The following ESS2 variants were observed in gnomAD, a reference collection of about 807,000 sequenced individuals.
ESS2 encodes the protein splicing factor ESS-2 homolog.
ESS2 carries 31 observed loss-of-function variants against 52.0 expected under a neutral mutation model. That is an observed-to-expected ratio of 0.60 (90% confidence interval 0.45 to 0.81). The LOEUF is 0.81. Ranked by LOEUF, ESS2 falls within the 30% of genes least tolerant of loss-of-function variation. The pLI is 0.00. For missense variants in ESS2, 602 were observed against 637.2 expected (o/e 0.94, Z 0.59); for synonymous variants, 285 against 259.2 (o/e 1.10, Z -0.95).
chr22:19,138,618 C>T (rs936423856), intron 6 of ESS2: 3 of 550,360 alleles, frequency 5.5e-6, no homozygotes, highest in Non-Finnish European at 9.9e-6. Flanking sequence ...AGGATGCTGA[C>T]GCCAGGCCCC....
chr22:19,137,736 C>T (rs1438807435), intron 7 of ESS2: 1 of 985,272 alleles, frequency 1.0e-6, no homozygotes, highest in African/African-American at 1.7e-5. Context: ...TCCCAAACCT[C>T]CTAGAACCCC....
At chr22:19,135,002 G>C (rs4334575) in intron 9 of ESS2, 58 bp downstream of exon 9, 4 of 1,537,256 alleles carry the variant, frequency 2.6e-6, no homozygotes, top group Non-Finnish European at 3.6e-6. Context: ...GGCAGGGGCC[G>C]AACAGGAGCA....
In ESS2 at chr22:19,144,647, C is replaced by T. The variant is rs199622382; in HGVS notation, c.-7G>A. ...ATGCGCCCGGCGTCTCCATCGCTATCCCAGGAAAAAGCTCGGGCCCAGCAG... is the reference window on the plus strand; with the variant it reads ...ATGCGCCCGGCGTCTCCATCGCTATTCCAGGAAAAAGCTCGGGCCCAGCAG... On this transcript the variant is annotated 5_prime_UTR_variant, in exon 1 of 10. Transcript: ENST00000252137. 1.3e-6 allele frequency: 2 copies of T among 1,502,178 alleles called. No individual in the cohort carries two copies. The highest frequency in any genetic ancestry group is 1.8e-6 in the Non-Finnish European group (2 of 1,119,412). 93.1% of individuals were successfully genotyped at this position (1,502,178 alleles called of 1,614,324 possible).
At position 19,132,120 on chromosome 22, in the gene ESS2, C is replaced by A. The variant is rs1476011359; in HGVS notation, c.*2076G>T. 1 of 1,612,700 alleles carries A rather than the reference C, an allele frequency of 6.2e-7. No individual in the cohort carries two copies. The highest frequency in any genetic ancestry group is 1.3e-5 in the African/African-American group (1 of 74,902). The stretch of plus-strand genomic sequence containing the variant: ...TGTGGACTTCCCGCGCTCCAAGAAC[C>A]TGACCTGCGAGTGCAAGGACCTCAT... On this transcript the variant is annotated 3_prime_UTR_variant, in exon 10 of 10. Coordinates refer to ENST00000252137, the MANE Select transcript of ESS2 (RefSeq NM_022719.3). This position sits in a 1 kb window ranked among gnomAD's most constrained non-coding sequence, Gnocchi z 4.2.
chr22:19,135,352 C>T (rs548615634), intron 8 of ESS2, among the ~76,000 whole-genome samples, 177 bp from the exon 9 acceptor site: 2 of 152,338 alleles, frequency 1.3e-5, no homozygotes, highest in South Asian at 4.1e-4. Context: ...CTGACCTGCC[C>T]AAGGCGCAGC....
At chr22:19,139,812 G>A (rs754746080) in intron 4 of ESS2, 43 bp downstream of exon 4, 12 of 1,613,538 alleles carry the variant, frequency 7.4e-6, no homozygotes, top group Non-Finnish European at 1.0e-5. Context: ...AACCACCACA[G>A]AGGGTGCCTA....
At position 19,138,232 on chromosome 22, in the gene ESS2, G is replaced by A. The variant is rs1260442989; in HGVS notation, c.908C>T (p.Thr303Ile). 4 of 1,614,078 alleles carry A rather than the reference G, an allele frequency of 2.5e-6. No homozygotes were observed. Among genetic ancestry groups the A allele is most frequent in the Non-Finnish European group, 3.4e-6 (4 of 1,179,992 alleles). Residue 303 changes from threonine to isoleucine, a missense_variant, in exon 7 of 10, where the codon ACT (threonine) becomes ATT (isoleucine). Thr to Ile is a moderately conservative substitution (Grantham distance 89, BLOSUM62 -1). Coordinates refer to ENST00000252137, the MANE Select transcript of ESS2 (RefSeq NM_022719.3). The stretch of plus-strand genomic sequence containing the variant: ...TTTCTCACCAGGGGCAGGGGAAGGA[G>A]TGGCAACAAATCCAAATCCACCCAC... ...PRVGGFGFVATPSPAPGVNES... is the reference protein window; with the variant it reads ...PRVGGFGFVAIPSPAPGVNES...
At position 19,132,442 on chromosome 22, in the gene ESS2, T is replaced by G. The variant is rs537157579; in HGVS notation, c.*1754A>C. The stretch of plus-strand genomic sequence containing the variant: ...ACCTCCAGGGCCAAAGACCATCACA[T>G]CTCCGGAGCTGAGGTGGGGAAAGCA... On this transcript the variant is annotated 3_prime_UTR_variant, in exon 10 of 10. Transcript: ENST00000252137. This position sits in a 1 kb window ranked among gnomAD's most constrained non-coding sequence, Gnocchi z 4.2. 1.0e-4 allele frequency: 166 copies of G among 1,611,446 alleles called. No individual in the cohort carries two copies. In the South Asian group the frequency reaches 1.7e-3, roughly 17 times the overall value.
chr22:19,131,408 T>C lies in ESS2; in HGVS notation c.*2788A>G. 1 of 1,599,330 alleles carries C rather than the reference T, an allele frequency of 6.3e-7. No individual in the cohort carries two copies. Among genetic ancestry groups the C allele is most frequent in the Non-Finnish European group, 8.5e-7 (1 of 1,171,284 alleles). On this transcript the variant is annotated 3_prime_UTR_variant, in exon 10 of 10. Coordinates refer to ENST00000252137, the MANE Select transcript of ESS2 (RefSeq NM_022719.3). This position sits in a 1 kb window ranked among gnomAD's most constrained non-coding sequence, Gnocchi z 5.7. ...CAGTCGCTCCTGGCACCATGGACGA[T>C]GCCACAGTCCTAAGGAAGAAGGGTT...
At chr22:19,137,144 C>T (rs1569107423) in intron 8 of ESS2, among the ~76,000 whole-genome samples, 179 bp downstream of exon 8, 1 of 152,160 alleles carries the variant, frequency 6.6e-6, no homozygotes, top group Non-Finnish European at 1.5e-5. Flanking sequence ...CCCCAAATCC[C>T]TCTGTGACAG....
At position 19,144,328 on chromosome 22, in the gene ESS2, C is replaced by T. The variant is rs964373792; in HGVS notation, c.135+178G>A. On this transcript the variant is annotated intron_variant, in intron 1 of 9. Transcript: ENST00000252137. ...CTTTTCCCTGACAACACTACTACAGCCTCTTCCACCACAGACGTCTTCCTC... is the reference window on the plus strand; with the variant it reads ...CTTTTCCCTGACAACACTACTACAGTCTCTTCCACCACAGACGTCTTCCTC... 11 of 1,408,808 alleles carry T rather than the reference C, an allele frequency of 7.8e-6. No homozygotes were observed. The African/African-American group carries it at 1.2e-4, about 15-fold the overall frequency. 87.3% of individuals were successfully genotyped at this position (1,408,808 alleles called of 1,614,324 possible).
chr22:19,131,552 C>T lies in ESS2; in HGVS notation c.*2644G>A, dbSNP rs1263317587. The T allele has an allele frequency of 6.2e-7, 1 of 1,614,174 alleles. No individual in the cohort carries two copies. Among genetic ancestry groups the T allele is most frequent in the South Asian group, 1.1e-5 (1 of 91,082 alleles). ...TCGACCGCAAGAAAACACCTACTGA[C>T]TTTGTGGAGAGATTCCTTCCTCGGG... On this transcript the variant is annotated 3_prime_UTR_variant, in exon 10 of 10. Transcript: ENST00000252137. The surrounding 1 kb of genome is among the most constrained non-coding windows in gnomAD (Gnocchi z 5.7).
At position 19,134,045 on chromosome 22, in the gene ESS2, C is replaced by G. The variant is rs1420272895; in HGVS notation, c.*151G>C. ...GCACGAGTGCCTTGTGCCAGTCTGG[C>G]CCCAGCACAGCCCCTTTCTCCAGTG... On this transcript the variant is annotated 3_prime_UTR_variant, in exon 10 of 10. Coordinates refer to ENST00000252137, the MANE Select transcript of ESS2 (RefSeq NM_022719.3). The G allele has an allele frequency of 4.1e-6, 4 of 982,414 alleles. No individual in the cohort carries two copies. The highest frequency in any genetic ancestry group is 4.0e-6 in the Non-Finnish European group (3 of 740,772). The allele number at this position is 982,414 out of a possible 1,614,324, so 60.9% of individuals were successfully genotyped here. A position where few individuals can be genotyped will look rare whatever the true frequency, so the allele number is the denominator to read the frequency against.
At chr22:19,144,409 A>T in intron 1 of ESS2, 97 bp downstream of exon 1, 1 of 1,578,056 alleles carries the variant, frequency 6.3e-7, no homozygotes, top group Non-Finnish European at 8.6e-7. Context: ...CACTTCCACG[A>T]GGAGACGGAG....
chr22:19,142,676 C>T (rs774952854), intron 2 of ESS2, 43 bp from the exon 3 acceptor site: 14 of 1,609,112 alleles, frequency 8.7e-6, no homozygotes, highest in Admixed American at 3.4e-5. Context: ...GAGCCTGAAG[C>T]GACAGTTCAG....
At chr22:19,136,997 G>A (rs2083593388) in intron 8 of ESS2, among the ~76,000 whole-genome samples, 5 of 152,128 alleles carry the variant, frequency 3.3e-5, no homozygotes, top group Admixed American at 1.3e-4. Flanking sequence ...CAAGCACACA[G>A]CCTCGTCCTA....
chr22:19,138,221 C>G lies in ESS2; in HGVS notation c.919G>C (p.Ala307Pro). The G allele has an allele frequency of 6.2e-7, 1 of 1,613,996 alleles. No homozygotes were observed. Among genetic ancestry groups the G allele is most frequent in the Non-Finnish European group, 8.5e-7 (1 of 1,179,954 alleles). ...GFGFVATPSPAPGVNESPMMT... is the reference protein window; with the variant it reads ...GFGFVATPSPPPGVNESPMMT... Reference sequence around the variant, plus strand: ...CAGTGGGCACTTTTCTCACCAGGGGCAGGGGAAGGAGTGGCAACAAATCCA... The same window carrying G: ...CAGTGGGCACTTTTCTCACCAGGGGGAGGGGAAGGAGTGGCAACAAATCCA... Residue 307 changes from alanine (A) to proline (P), a missense_variant, in exon 7 of 10, where the codon GCC becomes CCC. By Grantham distance (27) the Ala-to-Pro change is conservative. Coordinates refer to ENST00000252137, the MANE Select transcript of ESS2 (RefSeq NM_022719.3).
Position 19,134,222 on chromosome 22 carries a change from G to A in ESS2, c.1405C>T (p.Arg469Trp), listed in dbSNP as rs375484595. 25 of 1,528,942 alleles carry A rather than the reference G, an allele frequency of 1.6e-5. No homozygotes were observed. Among genetic ancestry groups the A allele is most frequent in the Admixed American group, 4.1e-5 (2 of 48,524 alleles). The allele number at this position is 1,528,942 out of a possible 1,614,324, so 94.7% of individuals were successfully genotyped here. A position where few individuals can be genotyped will look rare whatever the true frequency, so the allele number is the denominator to read the frequency against. Residue 469 changes from arginine (R) to tryptophan (W), a missense_variant, in exon 10 of 10, where the codon CGG becomes TGG. Coordinates refer to ENST00000252137, the MANE Select transcript of ESS2 (RefSeq NM_022719.3). ...TAAAAGAAGTCCGAAGCTTTGCGCC[G>A]GGCAGGGAGCTGCAGCAGGTTGTCC... ...ITDNLLQLPARRKASDFF is the reference protein window; with the variant it reads ...ITDNLLQLPAWRKASDFF
chr22:19,137,289 G>T, intron 8 of ESS2, 34 bp downstream of exon 8: 1 of 1,519,012 alleles, frequency 6.6e-7, no homozygotes, highest in Non-Finnish European at 9.0e-7. Flanking sequence ...TGTCCACCCC[G>T]GTCGCACACA....
Sources: allele counts gnomAD v4.1 joint callset (sites outside exome capture counted in the v4.1 genomes callset), GRCh38; gene constraint gnomAD v4.1.1; non-coding constraint Gnocchi (gnomAD v3.1); transcripts MANE v1.5; gene names NCBI Gene and HGNC (gene_info 2026-07-23, HGNC 2026-07-21).